Variants in EYA1 observed in about 807,000 individuals in gnomAD.
EYA1 encodes the protein protein phosphatase EYA1.
EYA1 carries 16 observed loss-of-function variants against 82.0 expected under a neutral mutation model. The ratio of observed to expected loss-of-function variants is 0.20; its 90% CI spans 0.13 to 0.30. The LOEUF is 0.30. Ranked by LOEUF, EYA1 falls within the 10% of genes least tolerant of loss-of-function variation. EYA1 has a pLI of 1.00. For missense variants in EYA1, 633 were observed against 730.7 expected (o/e 0.87, Z 1.54); for synonymous variants, 261 against 264.4 (o/e 0.99, Z 0.12).
At chr8:71,216,655 G>C (rs755183101) in intron 14 of EYA1, 37 bp downstream of exon 14, 15 of 1,606,410 alleles carry the variant, frequency 9.3e-6, no homozygotes, top group Non-Finnish European at 1.3e-5. Flanking sequence ...TATCTGGACT[G>C]TCTTAACTTG....
Position 71,346,452 on chromosome 8 carries a change from A to C in EYA1, c.124+8330T>G, listed in dbSNP as rs866251232. On this transcript the variant is annotated intron_variant, in intron 3 of 17. Transcript: ENST00000340726. ...AGTGAATATATATATATATATATAT[A>C]TATCTATATATATCCTTCTCCCTGC... Among the ~76,000 whole-genome samples the C allele has an allele frequency of 1.3e-4, 17 of 134,650 alleles. 1 individual carries two copies. Among genetic ancestry groups the C allele is most frequent in the African/African-American group, 9.2e-5 (3 of 32,606 alleles). 88.3% of individuals were successfully genotyped at this position (134,650 alleles called of 152,430 possible). A position where few individuals can be genotyped will look rare whatever the true frequency, so the allele number is the denominator to read the frequency against.
intron 2 of EYA1, among the ~76,000 whole-genome samples, chr8:71,415,154 T>G (rs115116000): frequency 0.035 from 5,388 of 152,252 alleles, 339 homozygotes; most frequent in African/African-American, 0.12. Context: ...TATCAGTGCT[T>G]CTTTATTAGG....
chr8:71,232,899 C>T (rs972652305), intron 12 of EYA1, among the ~76,000 whole-genome samples: 2 of 152,110 alleles, frequency 1.3e-5, no homozygotes, highest in African/African-American at 4.8e-5. Flanking sequence ...TTAGTGCTTC[C>T]TGCGAGCCAG....
intron 3 of EYA1, among the ~76,000 whole-genome samples, chr8:71,353,046 T>C (rs1403402682): frequency 6.6e-6 from 1 of 152,228 alleles, no homozygotes; most frequent in African/African-American, 2.4e-5. Context: ...ACTCGTATAT[T>C]CTATTGAGCA....
At chr8:71,255,510 C>T (rs186231637) in intron 11 of EYA1, among the ~76,000 whole-genome samples, 76 of 152,196 alleles carry the variant, frequency 5.0e-4, no homozygotes, top group African/African-American at 1.8e-3. Flanking sequence ...ATAGTCTTTT[C>T]AACAAACGGT....
At chr8:71,377,530 C>T (rs942479827) in intron 2 of EYA1, among the ~76,000 whole-genome samples, 3 of 152,200 alleles carry the variant, frequency 2.0e-5, no homozygotes, top group African/African-American at 7.2e-5. Flanking sequence ...CCAATGGACA[C>T]ATTTCTGCCT....
At chr8:71,347,991 C>T (rs545271234) in intron 3 of EYA1, among the ~76,000 whole-genome samples, 1 of 149,694 alleles carries the variant, frequency 6.7e-6, no homozygotes, top group South Asian at 2.1e-4. Context: ...TAAACGTTAA[C>T]ATAAACCCTT....
Position 71,234,311 on chromosome 8 carries a change from A to G in EYA1, c.1140+10292T>C, listed in dbSNP as rs115188847. On this transcript the variant is annotated intron_variant, in intron 12 of 17. Coordinates refer to ENST00000340726, the MANE Select transcript of EYA1 (RefSeq NM_000503.6). ...CCCTTGATTCCATGATGCCTTCCAC[A>G]CACCATAGCCCATCTCTTTGTGTCT... is the stretch of plus-strand genomic sequence containing the variant. Among the ~76,000 whole-genome samples, 663 of 151,964 alleles carry G rather than the reference A, an allele frequency of 4.4e-3. 6 individuals carry two copies. Among genetic ancestry groups the G allele is most frequent in the African/African-American group, 0.015 (629 of 41,456 alleles).
At chr8:71,233,986 G>A (rs1056369535) in intron 12 of EYA1, among the ~76,000 whole-genome samples, 7 of 152,166 alleles carry the variant, frequency 4.6e-5, no homozygotes, top group Non-Finnish European at 8.8e-5. Context: ...GGGGTAGACC[G>A]AGGTATGCAG....
At chr8:71,517,663 A>AAG (rs1446003522) in intron 2 of EYA1, among the ~76,000 whole-genome samples, 1 of 150,142 alleles carries the variant, frequency 6.7e-6, no homozygotes, top group Non-Finnish European at 1.5e-5. Flanking sequence ...ATAAAAGATG[A>AAG]TCAAGCCCCA....
intron 2 of EYA1, among the ~76,000 whole-genome samples, chr8:71,393,001 T>C (rs541694566): frequency 8.0e-4 from 122 of 152,300 alleles, no homozygotes; most frequent in Middle Eastern, 3.4e-3. Flanking sequence ...TTAGTTGCTA[T>C]TGAGTTAAAG....
At position 71,302,729 on chromosome 8, in the gene EYA1, T is replaced by A. The variant is rs912774989; in HGVS notation, c.557-3009A>T. Among the ~76,000 whole-genome samples, 6 of 141,864 alleles carry A rather than the reference T, an allele frequency of 4.2e-5. 2 individuals carry two copies. The highest frequency in any genetic ancestry group is 9.6e-5 in the Non-Finnish European group (6 of 62,472). 93.1% of individuals were successfully genotyped at this position (141,864 alleles called of 152,430 possible). ...ATAGGACTTAGGCAAACAGAGCTGC[T>A]AAACTCGGACCAGGCCACAGCAGGG... On this transcript the variant is annotated intron_variant, in intron 7 of 17. Coordinates refer to ENST00000340726, the MANE Select transcript of EYA1 (RefSeq NM_000503.6).
intron 12 of EYA1, chr8:71,225,093 C>A (rs1291341208): frequency 1.1e-5 from 3 of 281,886 alleles, no homozygotes; most frequent in Non-Finnish European, 1.5e-5. Context: ...TTTTTACTTG[C>A]GTGTTTTTCT....
chr8:71,373,459 A>T (rs1365123531), intron 2 of EYA1, among the ~76,000 whole-genome samples: 1 of 152,126 alleles, frequency 6.6e-6, no homozygotes, highest in Non-Finnish European at 1.5e-5. Flanking sequence ...ATTGAAAATT[A>T]TATGAAACAT....
At chr8:71,490,960 A>T (rs1337867440) in intron 2 of EYA1, among the ~76,000 whole-genome samples, 1 of 152,210 alleles carries the variant, frequency 6.6e-6, no homozygotes, top group Admixed American at 6.5e-5. Context: ...CTTGGGAGGA[A>T]GATCATATAA....
intron 11 of EYA1, among the ~76,000 whole-genome samples, chr8:71,254,068 C>G (rs1814076170): frequency 6.6e-6 from 1 of 151,802 alleles, no homozygotes; most frequent in Admixed American, 6.6e-5. Context: ...AACTTCCAAA[C>G]TCTTGAGTTT....
intron 2 of EYA1, among the ~76,000 whole-genome samples, chr8:71,442,284 A>G (rs1257509223): frequency 1.3e-5 from 2 of 152,182 alleles, no homozygotes; most frequent in Non-Finnish European, 2.9e-5. Flanking sequence ...CCATTAATCA[A>G]TGGGTCCTGT....
At chr8:71,323,767 G>A (rs1822848535) in intron 4 of EYA1, among the ~76,000 whole-genome samples, 2 of 152,198 alleles carry the variant, frequency 1.3e-5, no homozygotes. Flanking sequence ...AGATCTGTCT[G>A]ATACACATGG....
intron 9 of EYA1, among the ~76,000 whole-genome samples, chr8:71,277,056 T>G (rs7844489): frequency 6.7e-6 from 1 of 150,282 alleles, no homozygotes; most frequent in Non-Finnish European, 1.5e-5. Context: ...CTACTTCAGA[T>G]AGACAAACTT....
Sources: allele counts gnomAD v4.1 joint callset (sites outside exome capture counted in the v4.1 genomes callset), GRCh38; gene constraint gnomAD v4.1.1; transcripts MANE v1.5; gene names NCBI Gene and HGNC (gene_info 2026-07-23, HGNC 2026-07-21).